Variants in ALAS2 observed in about 807,000 individuals in gnomAD.
The protein encoded by ALAS2 is 5-aminolevulinate synthase, erythroid-specific, mitochondrial.
A neutral mutation model predicts 33.7 loss-of-function variants in ALAS2; 3 were observed. That is an observed-to-expected ratio of 0.09 (90% confidence interval 0.04 to 0.23). The LOEUF (loss-of-function observed/expected upper bound fraction) is 0.23, where lower values mean the gene tolerates loss of function less well. ALAS2 is among the 10% of genes least tolerant of loss of function. ALAS2 has a pLI of 1.00. For missense variants in ALAS2, 304 were observed against 475.1 expected (o/e 0.64, Z 3.35); for synonymous variants, 191 against 177.3 (o/e 1.08, Z -0.61).
intron 4 of ALAS2, 135 bp from the exon 5 acceptor site, chrX:55,021,409 C>T (rs1331174935): frequency 1.9e-6 from 1 of 529,369 alleles, no homozygotes; most frequent in African/African-American, 2.3e-5. Context: ...CAGTCATTGA[C>T]TTATGGACCA....
chrX:55,015,445 C>T, intron 8 of ALAS2, 133 bp downstream of exon 8: 2 of 740,645 alleles, frequency 2.7e-6, no homozygotes, highest in South Asian at 4.8e-5. Flanking sequence ...GAGAGGGAGT[C>T]CAGGATGGCA....
At chrX:55,030,658 G>GA (rs1396187966) in intron 1 of ALAS2, among the ~76,000 whole-genome samples, 4 of 110,520 alleles carry the variant, frequency 3.6e-5, no homozygotes, top group Admixed American at 1.9e-4. Context: ...AATTCAGAGG[G>GA]AAAAATAAGA....
intron 5 of ALAS2, among the ~76,000 whole-genome samples, chrX:55,020,828 G>C (rs1474582774): frequency 1.8e-5 from 2 of 111,740 alleles, no homozygotes; most frequent in Non-Finnish European, 3.8e-5. Flanking sequence ...GGCCTTGCTT[G>C]GTCTCCCATC....
At chrX:55,015,959 CTGTGTGTGTGTGTGTGTGTG>C (rs56109492) in intron 7 of ALAS2, among the ~76,000 whole-genome samples, 12 of 80,160 alleles carry the variant, frequency 1.5e-4, no homozygotes, top group East Asian at 1.3e-3. Flanking sequence ...CTCTGTCTCT[CTGTGTGTGTGTGTGTGTGTG>C]TGTGTGTGTG....
intron 10 of ALAS2, among the ~76,000 whole-genome samples, chrX:55,013,022 A>G (rs978085049): frequency 9.0e-6 from 1 of 110,887 alleles, no homozygotes; most frequent in African/African-American, 3.3e-5. Flanking sequence ...CCACCTGCTT[A>G]TTGTTCTTGA....
chrX:55,023,841 T>G lies in ALAS2; in HGVS notation c.331A>C (p.Ser111Arg), dbSNP rs148675012. The G allele has an allele frequency of 6.6e-6, 8 of 1,208,499 alleles. No homozygotes were observed. Among genetic ancestry groups the G allele is most frequent in the Non-Finnish European group, 8.9e-6 (8 of 894,336 alleles). The change falls in exon 4 of 11, where the codon AGC becomes CGC. Residue 111 changes from serine to arginine, a missense_variant. This residue lies in a region of ALAS2 where 71 missense variants were observed against 82.8 expected (regional missense o/e 0.86). Coordinates refer to ENST00000650242, the MANE Select transcript of ALAS2 (RefSeq NM_000032.5). Reference protein sequence around the residue: ...TDLPSSLVSVSLRKPFSGPQE... With the variant: ...TDLPSSLVSVRLRKPFSGPQE... ...GGACCGGAAAATGGCTTCCTTAGGC[T>G]GACTGAGACCAGGGAGCTAGGCAGA... is the stretch of plus-strand genomic sequence containing the variant.
rs200994350 is a variant in ALAS2 at position 55,013,552 on chromosome X, C to T, written c.1534G>A (p.Gly512Ser). The T allele has an allele frequency of 1.7e-5, 20 of 1,209,217 alleles. No homozygotes were observed. The highest frequency in any genetic ancestry group is 1.0e-5 in the Non-Finnish European group (9 of 895,059). Residue 512 changes from glycine (G) to serine (S), a missense_variant, in exon 10 of 11, where the codon GGT (glycine) becomes AGT (serine). Physicochemically the swap from Gly to Ser is moderately conservative, Grantham distance 56. Around this residue, in one of 3 missense-constraint regions of ALAS2, gnomAD observed 95 missense variants for 127.0 expected, o/e 0.75. Transcript: ENST00000650242. Reference protein sequence around the residue: ...QAINYPTVPRGEELLRLAPSP... With the variant: ...QAINYPTVPRSEELLRLAPSP... ...GGTGCCAAGCGCAGGAGCTCTTCAC[C>T]CCGGGGGACAGTTGGGTAGTTGATG... is the stretch of plus-strand genomic sequence containing the variant.
In ALAS2 at chrX:55,014,996, C is replaced by T. The variant is rs375475158; in HGVS notation, c.1188G>A (p.Val396=). The T allele has an allele frequency of 8.3e-7, 1 of 1,209,173 alleles. No homozygotes were observed. Among genetic ancestry groups the T allele is most frequent in the Non-Finnish European group, 1.1e-6 (1 of 894,713 alleles). ...CACGGGTGCTGGCAATGTAGCCGCCCACACAGCCAAAGGCCTTGCCTGGAG... is the reference window on the plus strand; with the variant it reads ...CACGGGTGCTGGCAATGTAGCCGCCTACACAGCCAAAGGCCTTGCCTGGAG... ...SGTLGKAFGC[V]GGYIASTRDL... The change falls in exon 9 of 11, where the codon GTG becomes GTA. Residue 396 remains valine (V), a synonymous_variant. Transcript: ENST00000650242.
intron 7 of ALAS2, among the ~76,000 whole-genome samples, chrX:55,016,926 T>C (rs1935711719): frequency 8.9e-6 from 1 of 112,038 alleles, no homozygotes; most frequent in Non-Finnish European, 1.9e-5. Context: ...AACCCAGGTC[T>C]CTCTGACTTG....
At chrX:55,009,651 C>G (rs1198760364) in intron 10 of ALAS2, among the ~76,000 whole-genome samples, 1 of 111,114 alleles carries the variant, frequency 9.0e-6, no homozygotes, top group East Asian at 2.8e-4. Context: ...TGCTTGGGAA[C>G]TCTAAGCCCT....
At chrX:55,016,514 A>G (rs978726004) in intron 7 of ALAS2, among the ~76,000 whole-genome samples, 1 of 111,974 alleles carries the variant, frequency 8.9e-6, no homozygotes, top group East Asian at 2.8e-4. Flanking sequence ...GGATTTGAAC[A>G]TGGATAGTCT....
At chrX:55,015,451 T>C (rs1480390416) in intron 8 of ALAS2, 127 bp downstream of exon 8, 1 of 772,035 alleles carries the variant, frequency 1.3e-6, no homozygotes, top group Non-Finnish European at 1.9e-6. Context: ...GAGTCCAGGA[T>C]GGCAGCAGCC....
intron 10 of ALAS2, among the ~76,000 whole-genome samples, chrX:55,012,467 G>A (rs1217273405): frequency 8.9e-6 from 1 of 112,187 alleles, no homozygotes; most frequent in Non-Finnish European, 1.9e-5. Flanking sequence ...CCTGGAATGA[G>A]CACCTATTCA....
chrX:55,026,130 A>T (rs1250121037), intron 1 of ALAS2, 115 bp from the exon 2 acceptor site: 1 of 620,820 alleles, frequency 1.6e-6, no homozygotes, highest in African/African-American at 2.2e-5. Flanking sequence ...AGATGCTCTT[A>T]TTGCCCTTCC....
chrX:55,009,491 G>A, intron 10 of ALAS2, 148 bp from the exon 11 acceptor site: 3 of 545,915 alleles, frequency 5.5e-6, no homozygotes, highest in Non-Finnish European at 8.8e-6. Context: ...GCTTCTGTGT[G>A]TGCCGTGAAT....
intron 3 of ALAS2, 116 bp downstream of exon 3, chrX:55,024,602 A>G: frequency 9.8e-7 from 1 of 1,017,917 alleles, no homozygotes; most frequent in Non-Finnish European, 1.4e-6. Flanking sequence ...GAAAGACTGG[A>G]CTTCTCATCA....
intron 4 of ALAS2, 70 bp from the exon 5 acceptor site, chrX:55,021,344 C>T: frequency 1.1e-6 from 1 of 916,719 alleles, no homozygotes; most frequent in Non-Finnish European, 1.6e-6. Flanking sequence ...GTATTTTACC[C>T]ATGTTGCTGA....
intron 6 of ALAS2, 44 bp downstream of exon 6, chrX:55,020,276 T>C (rs780858823): frequency 7.8e-6 from 9 of 1,160,465 alleles, no homozygotes; most frequent in Non-Finnish European, 1.1e-5. Flanking sequence ...GGATGCTGTA[T>C]TGCAGGATAC....
intron 1 of ALAS2, among the ~76,000 whole-genome samples, chrX:55,030,635 AAAAGAT>A (rs1935980316): frequency 8.9e-6 from 1 of 111,839 alleles, no homozygotes; most frequent in Non-Finnish European, 1.9e-5. Flanking sequence ...AATTTAGAGA[AAAAGAT>A]AGTTAGAATT....
Sources: allele counts gnomAD v4.1 joint callset (sites outside exome capture counted in the v4.1 genomes callset), GRCh38; gene constraint gnomAD v4.1.1; regional missense constraint gnomAD v4.1.1; transcripts MANE v1.5; gene names NCBI Gene and HGNC (gene_info 2026-07-23, HGNC 2026-07-21).